MAGI3: variants seen among roughly 807,000 people sequenced by gnomAD.
MAGI3 encodes the protein membrane-associated guanylate kinase, WW and PDZ domain-containing protein 3.
A neutral mutation model predicts 121.8 loss-of-function variants in MAGI3; 43 were observed. The observed-to-expected ratio is 0.35, with a 90% CI of 0.28 to 0.46. The LOEUF (loss-of-function observed/expected upper bound fraction) is 0.46, where lower values mean the gene tolerates loss of function less well. MAGI3 is among the 20% of genes least tolerant of loss of function. The pLI is 1.00. For missense variants in MAGI3, 1,547 were observed against 1,797.3 expected, an observed-to-expected ratio of 0.86 and a Z score of 2.52; for synonymous variants, 553 against 639.3, an observed-to-expected ratio of 0.86 and a Z score of 2.04.
At chr1:113,535,749 A>T (rs1239681408) in intron 1 of MAGI3, among the ~76,000 whole-genome samples, 1 of 151,978 alleles carries the variant, frequency 6.6e-6, no homozygotes, top group Non-Finnish European at 1.5e-5. Context: ...ATTGTCAGTT[A>T]CTCTCTGTGA....
chr1:113,671,563 A>G (rs1442290395), intron 16 of MAGI3, among the ~76,000 whole-genome samples, 171 bp from the exon 17 acceptor site: 1 of 152,258 alleles, frequency 6.6e-6, no homozygotes, highest in African/African-American at 2.4e-5. Context: ...CCACAGGGAA[A>G]AAGATGTTAA....
intron 1 of MAGI3, among the ~76,000 whole-genome samples, chr1:113,415,536 G>A (rs958407828): frequency 1.3e-5 from 2 of 151,630 alleles, no homozygotes; most frequent in East Asian, 1.9e-4. Flanking sequence ...CTATCTCTCC[G>A]CTCCTATTAT....
intron 1 of MAGI3, among the ~76,000 whole-genome samples, chr1:113,539,878 T>G (rs1337802832): frequency 6.6e-6 from 1 of 151,756 alleles, no homozygotes; most frequent in African/African-American, 2.4e-5. Context: ...AGCTTCGACC[T>G]CCCTGGCTTA....
intron 1 of MAGI3, among the ~76,000 whole-genome samples, chr1:113,482,669 A>G (rs1464269579): frequency 7.9e-6 from 1 of 126,674 alleles, no homozygotes; most frequent in Admixed American, 8.5e-5. Flanking sequence ...TTTTTTTTTA[A>G]CCACTGGAGA....
chr1:113,531,179 G>A (rs1407733334), intron 1 of MAGI3, among the ~76,000 whole-genome samples: 1 of 151,832 alleles, frequency 6.6e-6, no homozygotes, highest in Admixed American at 6.6e-5. Context: ...ATAAATCAGT[G>A]TTTATTGAGA....
chr1:113,638,680 G>T (rs879182012), intron 9 of MAGI3, among the ~76,000 whole-genome samples: 3 of 152,156 alleles, frequency 2.0e-5, no homozygotes, highest in Non-Finnish European at 2.9e-5. Flanking sequence ...AGGGGTCAGG[G>T]GTCAGGGACC....
chr1:113,456,715 G>T (rs771283193), intron 1 of MAGI3, among the ~76,000 whole-genome samples: 10 of 152,126 alleles, frequency 6.6e-5, no homozygotes, highest in Non-Finnish European at 1.5e-4. Context: ...TTAATGGTTT[G>T]GATGAAGACT....
chr1:113,446,375 C>T (rs1054342840), intron 1 of MAGI3, among the ~76,000 whole-genome samples: 1 of 151,836 alleles, frequency 6.6e-6, no homozygotes, highest in Non-Finnish European at 1.5e-5. Context: ...AAGAAAATAG[C>T]TATAGAATAT....
intron 6 of MAGI3, among the ~76,000 whole-genome samples, chr1:113,597,011 A>G (rs1649054121): frequency 6.6e-6 from 1 of 152,200 alleles, no homozygotes; most frequent in Admixed American, 6.5e-5. Flanking sequence ...CCTCATAAAG[A>G]CTTGCATGCA....
At chr1:113,654,192 C>G (rs772572446) in intron 15 of MAGI3, among the ~76,000 whole-genome samples, 174 bp downstream of exon 15, 7 of 152,294 alleles carry the variant, frequency 4.6e-5, no homozygotes, top group African/African-American at 1.4e-4. Flanking sequence ...CCGAACCTTC[C>G]AGGCTTCAAG....
chr1:113,684,010 A>AG lies in MAGI3; in HGVS notation c.4443dup (p.Ter1482ValfsTer41), dbSNP rs757496117. 27 of 1,553,064 alleles carry AG rather than the reference A, an allele frequency of 1.7e-5. No individual in the cohort carries two copies. The highest frequency in any genetic ancestry group is 2.3e-5 in the Non-Finnish European group (27 of 1,156,958). ...ACTATTGGTATGGCTGAGAAACGGCAGTAACCTTTAGTATAAAACAAAGAA... is the reference window on the plus strand; with the variant it reads ...ACTATTGGTATGGCTGAGAAACGGCAGGTAACCTTTAGTATAAAACAAAGAA... On this transcript the variant is annotated frameshift_variant, in exon 21 of 21. Coordinates refer to ENST00000307546, the MANE Select transcript of MAGI3 (RefSeq NM_001142782.2). LOFTEE classifies it high-confidence loss of function.
Position 113,683,492 on chromosome 1 carries a change from A to G in MAGI3, c.3924A>G (p.Leu1308=). 1 of 1,614,008 alleles carries G rather than the reference A, an allele frequency of 6.2e-7. No individual in the cohort carries two copies. The highest frequency in any genetic ancestry group is 8.5e-7 in the Non-Finnish European group (1 of 1,179,888). Residue 1308 remains leucine, a synonymous_variant, in exon 21 of 21, where the codon TTA becomes TTG. Coordinates refer to ENST00000307546, the MANE Select transcript of MAGI3 (RefSeq NM_001142782.2). The part of the protein sequence containing the change: ...SKAPSNAEAK[L]LEGKSRRIAG... The stretch of plus-strand genomic sequence containing the variant: ...CTCCATCAAATGCTGAGGCCAAATT[A>G]TTAGAGGGTAAGAGTCGAAGAATAG...
chr1:113,682,590 T>C, intron 20 of MAGI3: 1 of 985,296 alleles, frequency 1.0e-6, no homozygotes, highest in Non-Finnish European at 1.2e-6. Context: ...GCTTTATAAC[T>C]TGTAAGTTCT....
rs773722008 is a variant in MAGI3 at position 113,391,024 on chromosome 1, G to C, written c.-10G>C. On this transcript the variant is annotated 5_prime_UTR_variant, in exon 1 of 21. Transcript: ENST00000307546. This position sits in a 1 kb window ranked among gnomAD's most constrained non-coding sequence, Gnocchi z 4.4. ...CGCGGGGTCTCCCCCATGGTGCAGC[G>C]GGGTTCGGGATGTCGAAGACGCTGA... 4.4e-6 allele frequency: 7 copies of C among 1,573,296 alleles called. No homozygotes were observed. Among genetic ancestry groups the C allele is most frequent in the Non-Finnish European group, 6.0e-6 (7 of 1,161,394 alleles).
intron 5 of MAGI3, among the ~76,000 whole-genome samples, chr1:113,594,227 T>C (rs1648859542): frequency 6.6e-6 from 1 of 152,242 alleles, no homozygotes; most frequent in Non-Finnish European, 1.5e-5. Context: ...TGTTATTCCA[T>C]ACTTGGCATT....
At chr1:113,629,646 G>A (rs932650046) in intron 9 of MAGI3, among the ~76,000 whole-genome samples, 5 of 151,922 alleles carry the variant, frequency 3.3e-5, no homozygotes, top group Admixed American at 6.6e-5. Context: ...TCTTGGATAC[G>A]ATTCAGAAGA....
intron 1 of MAGI3, among the ~76,000 whole-genome samples, chr1:113,482,950 C>T (rs535380090): frequency 6.6e-6 from 1 of 152,156 alleles, no homozygotes; most frequent in African/African-American, 2.4e-5. Context: ...GGACCACAGG[C>T]ATGCACTACC....
At chr1:113,599,247 CA>C (rs1219863659) in intron 6 of MAGI3, among the ~76,000 whole-genome samples, 2 of 151,752 alleles carry the variant, frequency 1.3e-5, no homozygotes, top group South Asian at 4.2e-4. Context: ...AATAGAGACA[CA>C]AAAAACCCTT....
chr1:113,546,549 C>T (rs1300133997), intron 1 of MAGI3, among the ~76,000 whole-genome samples: 1 of 151,962 alleles, frequency 6.6e-6, no homozygotes, highest in Non-Finnish European at 1.5e-5. Context: ...GTTGGCTAGG[C>T]TGGTCTCGAT....
Sources: gnomAD v4.1 joint callset for allele counts (sites outside exome capture counted in the v4.1 genomes callset) on GRCh38, gnomAD v4.1.1 for gene constraint, Gnocchi (gnomAD v3.1) non-coding constraint, MANE v1.5 for transcripts, NCBI Gene and HGNC (gene_info 2026-07-23, HGNC 2026-07-21) for gene names.